RIMS3: variants seen among roughly 807,000 people sequenced by gnomAD.
The protein encoded by RIMS3 is regulating synaptic membrane exocytosis 3.
In RIMS3, 15 loss-of-function variants were observed where a neutral mutation model predicts 29.2. The ratio of observed to expected loss-of-function variants is 0.51; its 90% CI spans 0.34 to 0.79. RIMS3 has a LOEUF of 0.79. Among genes scored for constraint, RIMS3 ranks in the 30% least tolerant of loss-of-function variants. The pLI is 0.01. For synonymous variants in RIMS3, 161 were observed against 170.1 expected, an observed-to-expected ratio of 0.95 and a Z score of 0.41; for missense variants, 342 against 421.4, an observed-to-expected ratio of 0.81 and a Z score of 1.65.
intron 2 of RIMS3, among the ~76,000 whole-genome samples, chr1:40,644,933 T>C (rs942064103): frequency 3.9e-5 from 6 of 152,178 alleles, no homozygotes; most frequent in South Asian, 2.1e-4. Context: ...AAAAGCACCA[T>C]TGTGGCAAAT....
chr1:40,660,480 C>T (rs777503265), intron 1 of RIMS3, among the ~76,000 whole-genome samples: 2 of 151,238 alleles, frequency 1.3e-5, no homozygotes, highest in Non-Finnish European at 1.5e-5. Context: ...CAGGCTCAAG[C>T]GATCCTCCCA....
chr1:40,687,815 T>C, the RIMS3 span, among the ~76,000 whole-genome samples: 1 of 152,170 alleles, frequency 6.6e-6, no homozygotes, highest in Non-Finnish European at 1.5e-5. Context: ...GCTGCCTACA[T>C]GTCTTCCCTA....
chr1:40,650,013 T>C (rs950834815), intron 1 of RIMS3, among the ~76,000 whole-genome samples: 5 of 151,940 alleles, frequency 3.3e-5, no homozygotes, highest in Non-Finnish European at 7.4e-5. Context: ...CCCCTGATGT[T>C]CCCCCAGGGC....
upstream of RIMS3, among the ~76,000 whole-genome samples, chr1:40,670,574 T>TTTTATATATATA (rs1453530876): frequency 9.8e-5 from 7 of 71,190 alleles, no homozygotes; most frequent in African/African-American, 4.9e-4. Context: ...AGTTATAATT[T>TTTTATATATATA]TATATATATA....
intron 3 of RIMS3, among the ~76,000 whole-genome samples, chr1:40,637,235 T>A (rs1646525934): frequency 6.6e-6 from 1 of 152,156 alleles, no homozygotes; most frequent in African/African-American, 2.4e-5. Context: ...GGGGAGGGGA[T>A]GTTCAAGACC....
chr1:40,646,128 G>A (rs1322384339), intron 2 of RIMS3, among the ~76,000 whole-genome samples: 2 of 152,188 alleles, frequency 1.3e-5, no homozygotes, highest in Non-Finnish European at 2.9e-5. Flanking sequence ...AAATGAAGGG[G>A]TCAGGTTAAG....
At chr1:40,668,182 C>T (rs1168098705), upstream of RIMS3, among the ~76,000 whole-genome samples, 8 of 145,672 alleles carry the variant, frequency 5.5e-5, no homozygotes, top group Non-Finnish European at 1.2e-4. Context: ...ACCCAGGAGG[C>T]GGAGGTTGCA....
At position 40,641,971 on chromosome 1, in the gene RIMS3, G is replaced by A; in HGVS notation, c.-31-15C>T. On this transcript the variant is annotated splice_polypyrimidine_tract_variant and intron_variant, in intron 2 of 7. Coordinates refer to ENST00000372684, the MANE Select transcript of RIMS3 (RefSeq NM_014747.3). ...CTCAGGCAGCTCTGAAGATGGGCAG[G>A]AAACAAAAGGATCCCACATCAGACC... 3.3e-6 allele frequency: 5 copies of A among 1,497,106 alleles called. No homozygotes were observed. The highest frequency in any genetic ancestry group is 4.6e-6 in the Non-Finnish European group (5 of 1,079,686). The allele number at this position is 1,497,106 out of a possible 1,614,324, so 92.7% of individuals were successfully genotyped here.
At chr1:40,662,596 T>C (rs1006079990) in intron 1 of RIMS3, among the ~76,000 whole-genome samples, 3 of 152,172 alleles carry the variant, frequency 2.0e-5, no homozygotes, top group Non-Finnish European at 4.4e-5. Flanking sequence ...CCAGGCATTC[T>C]TTCTCCTTTT....
At position 40,635,837 on chromosome 1, in the gene RIMS3, C is replaced by A; in HGVS notation, c.359+79G>T. ...TTTAGCTGGAAACAAAACAGGGAGGCTTTCCCACCCTGCCCAGTGGCTCTG... is the reference window on the plus strand; with the variant it reads ...TTTAGCTGGAAACAAAACAGGGAGGATTTCCCACCCTGCCCAGTGGCTCTG... On this transcript the variant is annotated intron_variant, in intron 4 of 7. Transcript: ENST00000372684. This position sits in a 1 kb window ranked among gnomAD's most constrained non-coding sequence, Gnocchi z 4.1. The A allele has an allele frequency of 6.4e-7, 1 of 1,560,738 alleles. No individual in the cohort carries two copies. The highest frequency in any genetic ancestry group is 8.7e-7 in the Non-Finnish European group (1 of 1,147,854).
the RIMS3 span, among the ~76,000 whole-genome samples, chr1:40,685,509 T>C: frequency 6.6e-6 from 1 of 151,834 alleles, no homozygotes; most frequent in Admixed American, 6.6e-5. Context: ...TGTCTCAGAC[T>C]GCAATGAAGT....
chr1:40,656,422 A>G (rs924590561), intron 1 of RIMS3, among the ~76,000 whole-genome samples: 1 of 152,206 alleles, frequency 6.6e-6, no homozygotes, highest in East Asian at 1.9e-4. Flanking sequence ...TTGCCAGGCA[A>G]TGTTCTGAGC....
chr1:40,675,500 G>A, the RIMS3 span, among the ~76,000 whole-genome samples: 1 of 152,094 alleles, frequency 6.6e-6, no homozygotes, highest in Non-Finnish European at 1.5e-5. Flanking sequence ...GCTCATGCCT[G>A]TAATCCCAGC....
chr1:40,629,216 C>G lies in RIMS3; in HGVS notation c.574+55G>C. On this transcript the variant is annotated intron_variant, in intron 6 of 7. Transcript: ENST00000372684. Reference sequence around the variant, plus strand: ...GTGGGAGCTGAGGACCTGCTAGACCCAGAGCTCGGCTCTATGCCCCTCCCT... The same window carrying G: ...GTGGGAGCTGAGGACCTGCTAGACCGAGAGCTCGGCTCTATGCCCCTCCCT... The G allele has an allele frequency of 2.1e-6, 3 of 1,462,114 alleles. No homozygotes were observed. The Admixed American group carries it at 5.0e-5, about 25-fold the overall frequency. The allele number at this position is 1,462,114 out of a possible 1,614,324, so 90.6% of individuals were successfully genotyped here.
Position 40,628,906 on chromosome 1 carries a change from C to T in RIMS3, c.618G>A (p.Leu206=). ...TGGTCATCTTTGTCTTCTTCTTGGC[C>T]AAGCAGGCCCCATTCTCCAGCAGGT... ...KVYLLENGAC[L]AKKKTKMTKK... The change falls in exon 7 of 8, where the codon TTG becomes TTA. Residue 206 remains leucine (L), a synonymous_variant. Transcript: ENST00000372684. 1 of 1,613,732 alleles carries T rather than the reference C, an allele frequency of 6.2e-7. No homozygotes were observed.
the RIMS3 span, among the ~76,000 whole-genome samples, chr1:40,675,391 G>A: frequency 1.5e-4 from 23 of 152,104 alleles, no homozygotes; most frequent in African/African-American, 5.5e-4. Context: ...GGAGGCTGAG[G>A]CAAGTGGATC....
chr1:40,629,414 A>T, intron 5 of RIMS3, 42 bp from the exon 6 acceptor site: 1 of 1,504,976 alleles, frequency 6.6e-7, no homozygotes, highest in South Asian at 1.1e-5. Flanking sequence ...GGCCAGACCA[A>T]GGGGCAGGCC....
At chr1:40,690,982 T>C in the RIMS3 span, 1 of 152,242 alleles carries the variant, frequency 6.6e-6, no homozygotes, top group East Asian at 1.9e-4. Flanking sequence ...TAGATCAAGT[T>C]ACTTAACCTT....
chr1:40,662,646 TTCTTGAGC>T (rs1430180261), intron 1 of RIMS3, among the ~76,000 whole-genome samples: 1 of 152,186 alleles, frequency 6.6e-6, no homozygotes, highest in African/African-American at 2.4e-5. Flanking sequence ...TTGTCCAGGC[TTCTTGAGC>T]TCAAGCTATG....
Sources: allele counts gnomAD v4.1 joint callset (sites outside exome capture counted in the v4.1 genomes callset), GRCh38; gene constraint gnomAD v4.1.1; non-coding constraint Gnocchi (gnomAD v3.1); transcripts MANE v1.5; gene names NCBI Gene and HGNC (gene_info 2026-07-23, HGNC 2026-07-21).